Variants in CLYBL observed in about 807,000 individuals in gnomAD.
The protein encoded by CLYBL is citramalyl-CoA lyase, mitochondrial.
A neutral mutation model predicts 38.9 loss-of-function variants in CLYBL; 31 were observed. The ratio of observed to expected loss-of-function variants is 0.80; its 90% CI spans 0.60 to 1.08. The LOEUF is 1.08. Among genes scored for constraint, CLYBL ranks in the 50% least tolerant of loss-of-function variants. CLYBL has a pLI of 0.00. For missense variants in CLYBL, 434 were observed against 411.6 expected (o/e 1.05, Z -0.47); for synonymous variants, 171 against 158.6 (o/e 1.08, Z -0.59).
At chr13:99,728,308 T>C (rs1363246139) in intron 1 of CLYBL, among the ~76,000 whole-genome samples, 2 of 148,526 alleles carry the variant, frequency 1.3e-5, no homozygotes, top group African/African-American at 2.5e-5. Flanking sequence ...AGATGGAGTC[T>C]CACTCTTTTG....
At chr13:99,625,970 T>G (rs2046864000) in intron 1 of CLYBL, among the ~76,000 whole-genome samples, 1 of 152,134 alleles carries the variant, frequency 6.6e-6, no homozygotes, top group Non-Finnish European at 1.5e-5. Context: ...GGGTGCGGTG[T>G]GAGGTGGCTG....
At chr13:99,650,262 C>CAA (rs58278317) in intron 1 of CLYBL, among the ~76,000 whole-genome samples, 86 of 148,644 alleles carry the variant, frequency 5.8e-4, no homozygotes, top group African/African-American at 1.7e-3. Flanking sequence ...GACTCCGTCT[C>CAA]AAAAAAAAAA....
chr13:99,795,742 G>T (rs1364810860), intron 2 of CLYBL, among the ~76,000 whole-genome samples: 1 of 152,216 alleles, frequency 6.6e-6, no homozygotes, highest in African/African-American at 2.4e-5. Flanking sequence ...GCTGGCCGGA[G>T]ATAAAAGGCC....
intron 2 of CLYBL, among the ~76,000 whole-genome samples, chr13:99,832,077 G>C (rs2050815711): frequency 1.3e-5 from 2 of 152,212 alleles, no homozygotes; most frequent in Admixed American, 6.5e-5. Context: ...AGTCGAGGAT[G>C]AATAGCTTAC....
At chr13:99,645,825 C>G (rs2047168729) in intron 1 of CLYBL, among the ~76,000 whole-genome samples, 1 of 152,108 alleles carries the variant, frequency 6.6e-6, no homozygotes, top group East Asian at 1.9e-4. Context: ...TGTGCAGAAG[C>G]TTTTTAACTT....
chr13:99,812,547 T>A (rs2050363548), intron 2 of CLYBL, among the ~76,000 whole-genome samples: 1 of 152,186 alleles, frequency 6.6e-6, no homozygotes, highest in Non-Finnish European at 1.5e-5. Context: ...ATCCATAAAA[T>A]GAAAGAATGG....
intron 2 of CLYBL, among the ~76,000 whole-genome samples, chr13:99,780,472 C>T (rs1163281258): frequency 6.6e-6 from 1 of 152,142 alleles, no homozygotes; most frequent in African/African-American, 2.4e-5. Context: ...GCTCTGCCTC[C>T]TGGGTTCACG....
chr13:99,832,782 A>G (rs1258850194), intron 2 of CLYBL, among the ~76,000 whole-genome samples: 2 of 151,464 alleles, frequency 1.3e-5, no homozygotes, highest in African/African-American at 2.4e-5. Context: ...ATGGATCCAT[A>G]GGACCACCAG....
At chr13:99,785,912 A>AT (rs879511503) in intron 2 of CLYBL, among the ~76,000 whole-genome samples, 41 of 148,394 alleles carry the variant, frequency 2.8e-4, no homozygotes, top group Middle Eastern at 3.5e-3. Flanking sequence ...CATTTCTTAA[A>AT]TTTTTTTTTT....
chr13:99,815,577 C>G lies in CLYBL; in HGVS notation c.249+42567C>G, dbSNP rs35003302. Among the ~76,000 whole-genome samples the G allele has an allele frequency of 3.1e-3, 476 of 152,232 alleles. 1 individual carries two copies. Among genetic ancestry groups the G allele is most frequent in the African/African-American group, 0.011 (451 of 41,548 alleles). Reference sequence around the variant, plus strand: ...TCCAGCTTGAGTGACAGAGCAAGACCTTGTCTCTAAAAATAAATAAAAAAT... The same window carrying G: ...TCCAGCTTGAGTGACAGAGCAAGACGTTGTCTCTAAAAATAAATAAAAAAT... On this transcript the variant is annotated intron_variant, in intron 2 of 8. Transcript: ENST00000339105.
chr13:99,661,473 T>C (rs1322611320), intron 1 of CLYBL, among the ~76,000 whole-genome samples: 7 of 152,362 alleles, frequency 4.6e-5, no homozygotes, highest in African/African-American at 1.4e-4. Context: ...AGACGAGTTA[T>C]TCACTCTAAA....
chr13:99,843,061 G>A (rs1409769314), intron 2 of CLYBL, among the ~76,000 whole-genome samples: 1 of 152,166 alleles, frequency 6.6e-6, no homozygotes, highest in Non-Finnish European at 1.5e-5. Flanking sequence ...GCACAGTGAG[G>A]TTAAGAGACT....
intron 1 of CLYBL, among the ~76,000 whole-genome samples, chr13:99,612,619 T>G (rs1198988211): frequency 1.3e-5 from 2 of 152,156 alleles, no homozygotes; most frequent in East Asian, 3.9e-4. Flanking sequence ...AACTCCTGGA[T>G]TCAAGCAGTC....
Position 99,864,792 on chromosome 13 carries a change from CTTAGTTCTG to C in CLYBL, c.541-23_541-15del. ...CTCTGACGCACGCGTTTCCGTGAGA[CTTAGTTCTG>C]TTCTGCTCTTTTACAGGCAGTGTGT... On this transcript the variant is annotated splice_polypyrimidine_tract_variant and intron_variant, in intron 4 of 8. Transcript: ENST00000339105. The C allele has an allele frequency of 6.5e-7, 1 of 1,543,546 alleles. No homozygotes were observed. Among genetic ancestry groups the C allele is most frequent in the Non-Finnish European group, 9.0e-7 (1 of 1,116,354 alleles).
chr13:99,780,759 G>A (rs1383010244), intron 2 of CLYBL, among the ~76,000 whole-genome samples: 1 of 148,162 alleles, frequency 6.7e-6, no homozygotes, highest in Admixed American at 6.8e-5. Context: ...TGTTGCACAG[G>A]CTGTAGTGCA....
At chr13:99,776,175 ACC>A (rs779761299) in intron 2 of CLYBL, among the ~76,000 whole-genome samples, 3 of 139,900 alleles carry the variant, frequency 2.1e-5, no homozygotes, top group Non-Finnish European at 4.6e-5. Flanking sequence ...AAAAAAAAAA[ACC>A]AAAAAACAAA....
intron 1 of CLYBL, among the ~76,000 whole-genome samples, chr13:99,616,143 CTTTTTTTTTTTTTT>C (rs34142988): frequency 3.6e-5 from 3 of 83,844 alleles, no homozygotes; most frequent in African/African-American, 1.5e-4. Flanking sequence ...CCACGCCTGG[CTTTTTTTTTTTTTT>C]TTTTTTTTTT....
At chr13:99,782,044 ATTTC>A (rs2049667432) in intron 2 of CLYBL, among the ~76,000 whole-genome samples, 2 of 151,952 alleles carry the variant, frequency 1.3e-5, no homozygotes, top group African/African-American at 4.8e-5. Context: ...TATCTACAGT[ATTTC>A]TTTATATTAT....
At chr13:99,683,450 A>T (rs2139404914) in intron 1 of CLYBL, among the ~76,000 whole-genome samples, 1 of 152,346 alleles carries the variant, frequency 6.6e-6, no homozygotes, top group Non-Finnish European at 1.5e-5. Context: ...CACACATTGT[A>T]CAAAAATATT....
Sources: allele counts gnomAD v4.1 joint callset (sites outside exome capture counted in the v4.1 genomes callset), GRCh38; gene constraint gnomAD v4.1.1; transcripts MANE v1.5; gene names NCBI Gene and HGNC (gene_info 2026-07-23, HGNC 2026-07-21).